The following DCAF6 variants were observed in gnomAD, a reference collection of about 807,000 sequenced individuals.
The protein encoded by DCAF6 is DDB1- and CUL4-associated factor 6.
A neutral mutation model predicts 125.1 loss-of-function variants in DCAF6; 54 were observed. That is an observed-to-expected ratio of 0.43 (90% confidence interval 0.35 to 0.54). The LOEUF (loss-of-function observed/expected upper bound fraction) is 0.54, where lower values mean the gene tolerates loss of function less well. Ranked by LOEUF, DCAF6 falls within the 20% of genes least tolerant of loss-of-function variation. The probability of loss-of-function intolerance (pLI) is 0.01; values close to 1 mark genes in which losing one functional copy is unlikely to be tolerated. For synonymous variants in DCAF6, 371 were observed against 390.4 expected, an observed-to-expected ratio of 0.95 and a Z score of 0.58; for missense variants, 934 against 1,161.7, an observed-to-expected ratio of 0.80 and a Z score of 2.85.
intron 10 of DCAF6, among the ~76,000 whole-genome samples, chr1:168,012,307 G>C (rs913797728): frequency 6.6e-6 from 1 of 152,180 alleles, no homozygotes; most frequent in Non-Finnish European, 1.5e-5. Flanking sequence ...TTGTTCTTCT[G>C]TCTCACTGGA....
chr1:167,898,653 G>A, the DCAF6 span, among the ~76,000 whole-genome samples: 1 of 151,988 alleles, frequency 6.6e-6, no homozygotes, highest in African/African-American at 2.4e-5. Flanking sequence ...ATTGCTATAA[G>A]CCAGCTAGGC....
At chr1:167,988,163 T>G (rs1680285347) in intron 5 of DCAF6, among the ~76,000 whole-genome samples, 1 of 152,162 alleles carries the variant, frequency 6.6e-6, no homozygotes, top group Admixed American at 6.5e-5. Flanking sequence ...TTAAATTAAT[T>G]AATTAATTTT....
At chr1:167,947,142 G>A (rs932156106) in intron 1 of DCAF6, among the ~76,000 whole-genome samples, 4 of 152,010 alleles carry the variant, frequency 2.6e-5, no homozygotes, top group Non-Finnish European at 5.9e-5. Context: ...TTTCCTGTAG[G>A]TTTTCTAGTT....
At chr1:168,024,331 TTTGG>T (rs1486119235) in intron 12 of DCAF6, among the ~76,000 whole-genome samples, 3 of 152,106 alleles carry the variant, frequency 2.0e-5, no homozygotes, top group African/African-American at 7.2e-5. Flanking sequence ...AGCCATAAGA[TTTGG>T]TTGACTGAAA....
At chr1:167,978,659 T>C (rs1001480918) in intron 4 of DCAF6, among the ~76,000 whole-genome samples, 1 of 152,114 alleles carries the variant, frequency 6.6e-6, no homozygotes, top group Non-Finnish European at 1.5e-5. Context: ...ATTTTCACTC[T>C]CCTAGTGGTG....
At chr1:167,880,724 T>C in the DCAF6 span, 1 of 761,770 alleles carries the variant, frequency 1.3e-6, no homozygotes, top group Non-Finnish European at 2.4e-6. Context: ...TCAGATTTTA[T>C]CATGATTTCT....
chr1:167,884,390 C>T, the DCAF6 span, among the ~76,000 whole-genome samples: 36 of 152,224 alleles, frequency 2.4e-4, no homozygotes, highest in Admixed American at 4.6e-4. Context: ...TTCACTATCA[C>T]GAGAACAGCA....
At chr1:167,934,791 C>G (rs747021200), upstream of DCAF6, among the ~76,000 whole-genome samples, 1 of 152,138 alleles carries the variant, frequency 6.6e-6, no homozygotes, top group Admixed American at 6.5e-5. Flanking sequence ...TCTAGTTTGC[C>G]AAGTCTTAGG....
the DCAF6 span, among the ~76,000 whole-genome samples, chr1:167,895,843 A>G: frequency 2.0e-5 from 3 of 152,264 alleles, no homozygotes; most frequent in Non-Finnish European, 4.4e-5. Context: ...AAGTGAGTAG[A>G]GAAGACTAGA....
chr1:168,015,679 G>A (rs73026177), intron 10 of DCAF6, 102 bp from the exon 11 acceptor site: 85,979 of 1,031,470 alleles, frequency 0.083, 4,166 homozygotes, highest in Middle Eastern at 0.095. Context: ...TATGAGACAT[G>A]TGTTTTGTTT....
intron 11 of DCAF6, among the ~76,000 whole-genome samples, chr1:168,022,406 A>G (rs1378980460): frequency 6.6e-6 from 1 of 152,156 alleles, no homozygotes; most frequent in East Asian, 1.9e-4. Flanking sequence ...TTTACATAGT[A>G]TAGTTTTAAT....
chr1:167,911,350 A>G, the DCAF6 span, among the ~76,000 whole-genome samples: 1 of 152,268 alleles, frequency 6.6e-6, no homozygotes, highest in Non-Finnish European at 1.5e-5. Context: ...TAATAAAGAA[A>G]TCAATGTACT....
chr1:167,995,229 C>A (rs1372722509), intron 7 of DCAF6, among the ~76,000 whole-genome samples: 1 of 152,122 alleles, frequency 6.6e-6, no homozygotes, highest in Non-Finnish European at 1.5e-5. Context: ...AGTGGGCCAA[C>A]TAGTTTTGAT....
chr1:167,920,660 A>T, the DCAF6 span: 941 of 1,593,834 alleles, frequency 5.9e-4, 1 homozygote, highest in Non-Finnish European at 7.4e-4. Flanking sequence ...AAAGAAAAAA[A>T]GTATCACAAA....
intron 7 of DCAF6, among the ~76,000 whole-genome samples, chr1:167,999,821 A>G (rs1405226690): frequency 6.6e-6 from 1 of 152,156 alleles, no homozygotes; most frequent in Non-Finnish European, 1.5e-5. Context: ...GACTGTTTCC[A>G]TATCAGTAAT....
intron 19 of DCAF6, 66 bp downstream of exon 19, chr1:168,065,812 A>T: frequency 7.0e-7 from 1 of 1,421,802 alleles, no homozygotes; most frequent in Non-Finnish European, 9.6e-7. Flanking sequence ...ATACAAAATT[A>T]TTCTTTTTTA....
chr1:167,928,888 A>G, the DCAF6 span, among the ~76,000 whole-genome samples: 1 of 152,248 alleles, frequency 6.6e-6, no homozygotes, highest in Non-Finnish European at 1.5e-5. Context: ...AAATCTCCTC[A>G]TAAGACATTA....
rs554861802 is a variant in DCAF6, at chr1:168,055,331, GTTTTTTTTTTTTTTT to G, written c.2300+4413_2300+4427del. Among the ~76,000 whole-genome samples, 22 of 31,626 alleles carry G rather than the reference GTTTTTTTTTTTTTTT, an allele frequency of 7.0e-4. 4 individuals are homozygous for G. The highest frequency in any genetic ancestry group is 8.8e-4 in the African/African-American group (5 of 5,652). 20.7% of individuals were successfully genotyped at this position (31,626 alleles called of 152,430 possible). ...TTGAATTGAAAAAAATCAGGCTTAA[GTTTTTTTTTTTTTTT>G]TTTTTTTTTTTTTTAACGAAGAAGT... is the stretch of plus-strand genomic sequence containing the variant. On this transcript the variant is annotated intron_variant, in intron 17 of 21. Coordinates refer to ENST00000367840, the MANE Select transcript of DCAF6 (RefSeq NM_001198956.2).
intron 6 of DCAF6, among the ~76,000 whole-genome samples, chr1:167,992,754 CTA>C (rs1681040350): frequency 6.6e-6 from 1 of 152,100 alleles, no homozygotes. Flanking sequence ...TAACTCTGTA[CTA>C]TATAACAGGC....
Sources: allele counts gnomAD v4.1 joint callset (sites outside exome capture counted in the v4.1 genomes callset), GRCh38; gene constraint gnomAD v4.1.1; transcripts MANE v1.5; gene names NCBI Gene and HGNC (gene_info 2026-07-23, HGNC 2026-07-21).